RAP1GDS1: variants seen among roughly 807,000 people sequenced by gnomAD.
RAP1GDS1 encodes RAP1, GTP-GDP dissociation stimulator 1.
RAP1GDS1 carries 35 observed loss-of-function variants against 71.1 expected under a neutral mutation model. That is an observed-to-expected ratio of 0.49 (90% CI 0.38 to 0.65). RAP1GDS1 has a LOEUF of 0.65. RAP1GDS1 is among the 30% of genes least tolerant of loss of function. The probability of loss-of-function intolerance (pLI) is 0.00; values close to 1 mark genes in which losing one functional copy is unlikely to be tolerated. For missense variants in RAP1GDS1, 663 were observed against 706.1 expected, an observed-to-expected ratio of 0.94 and a Z score of 0.69; for synonymous variants, 229 against 243.1, an observed-to-expected ratio of 0.94 and a Z score of 0.54.
At chr4:98,380,082 C>CA (rs79487127) in intron 5 of RAP1GDS1, among the ~76,000 whole-genome samples, 17,593 of 109,554 alleles carry the variant, frequency 0.16, 1,280 homozygotes, top group African/African-American at 0.25. Context: ...CTCAATAATT[C>CA]AAAAAAAAAA....
At chr4:98,326,885 C>T (rs1733183774) in intron 2 of RAP1GDS1, among the ~76,000 whole-genome samples, 1 of 152,238 alleles carries the variant, frequency 6.6e-6, no homozygotes, top group African/African-American at 2.4e-5. Flanking sequence ...TGGTGTGTGC[C>T]TGTAAGAGCT....
At chr4:98,323,535 C>T (rs1732357545) in intron 2 of RAP1GDS1, among the ~76,000 whole-genome samples, 1 of 142,832 alleles carries the variant, frequency 7.0e-6, no homozygotes, top group Non-Finnish European at 1.5e-5. Context: ...AAAATACTGG[C>T]AAACCGAATC....
intron 7 of RAP1GDS1, among the ~76,000 whole-genome samples, chr4:98,409,053 T>A (rs1369163441): frequency 6.6e-6 from 1 of 151,990 alleles, no homozygotes. Flanking sequence ...AGAAAAAAAA[T>A]TAAGATAAAG....
chr4:98,343,360 TA>T lies in RAP1GDS1; in HGVS notation c.235+100del. ...TAATTTATGTTTTAATTTTGTAGAT[TA>T]GACATTTTTTATTTCTATTTATCTT... On this transcript the variant is annotated intron_variant, in intron 3 of 14. Coordinates refer to ENST00000408927, the MANE Select transcript of RAP1GDS1 (RefSeq NM_001100427.2). 2.2e-6 allele frequency: 3 copies of T among 1,383,802 alleles called. No homozygotes were observed. In the South Asian group the frequency reaches 3.8e-5, roughly 18 times the overall value. 85.7% of individuals were successfully genotyped at this position (1,383,802 alleles called of 1,614,324 possible).
At chr4:98,311,501 T>A (rs1269512437) in intron 2 of RAP1GDS1, among the ~76,000 whole-genome samples, 2 of 152,160 alleles carry the variant, frequency 1.3e-5, no homozygotes, top group Non-Finnish European at 2.9e-5. Flanking sequence ...GTAGGAAAAA[T>A]CTTACATACC....
In RAP1GDS1 at chr4:98,265,693, G is replaced by A. The variant is rs545131514; in HGVS notation, c.4+4124G>A. ...AGGAATGGGGTTCCTTAAGTTTTCC[G>A]TAGTTAGGGAAAAAGGAATGGTATG... is the stretch of plus-strand genomic sequence containing the variant. On this transcript the variant is annotated intron_variant, in intron 1 of 14. Coordinates refer to ENST00000408927, the MANE Select transcript of RAP1GDS1 (RefSeq NM_001100427.2). Among the ~76,000 whole-genome samples, 7 of 152,230 alleles carry A rather than the reference G, an allele frequency of 4.6e-5. No homozygotes were observed. The East Asian group carries it at 5.8e-4, about 13-fold the overall frequency.
At chr4:98,372,387 G>A (rs565672667) in intron 4 of RAP1GDS1, among the ~76,000 whole-genome samples, 4 of 151,986 alleles carry the variant, frequency 2.6e-5, no homozygotes, top group Non-Finnish European at 5.9e-5. Context: ...GGCTGACCTC[G>A]AACTCCTGAC....
intron 1 of RAP1GDS1, among the ~76,000 whole-genome samples, chr4:98,290,514 A>G (rs1375911007): frequency 6.6e-6 from 1 of 152,136 alleles, no homozygotes; most frequent in African/African-American, 2.4e-5. Flanking sequence ...TTTAGGTCTT[A>G]TGAAAACTCT....
At chr4:98,347,156 G>T (rs1345962804) in intron 3 of RAP1GDS1, among the ~76,000 whole-genome samples, 1 of 152,192 alleles carries the variant, frequency 6.6e-6, no homozygotes, top group Non-Finnish European at 1.5e-5. Flanking sequence ...GTAGGTAAAA[G>T]TGGAGAAAGT....
chr4:98,324,653 A>G (rs1393006095), intron 2 of RAP1GDS1, among the ~76,000 whole-genome samples: 1 of 144,956 alleles, frequency 6.9e-6, no homozygotes, highest in Non-Finnish European at 1.5e-5. Flanking sequence ...CAAACCTGAG[A>G]AAAACAAGCA....
At chr4:98,367,644 C>T (rs944700872) in intron 4 of RAP1GDS1, among the ~76,000 whole-genome samples, 11 of 152,228 alleles carry the variant, frequency 7.2e-5, no homozygotes, top group African/African-American at 2.2e-4. Context: ...TGGGAACCTA[C>T]CTCTTGCATC....
intron 1 of RAP1GDS1, among the ~76,000 whole-genome samples, chr4:98,280,777 A>G (rs1402805115): frequency 6.6e-6 from 1 of 152,038 alleles, no homozygotes; most frequent in Non-Finnish European, 1.5e-5. Flanking sequence ...ATCTTGAATT[A>G]ATTTTTGTAT....
chr4:98,360,030 C>T (rs1738493325), intron 4 of RAP1GDS1, among the ~76,000 whole-genome samples: 1 of 152,102 alleles, frequency 6.6e-6, no homozygotes, highest in Admixed American at 6.6e-5. Flanking sequence ...ATGATCTTTC[C>T]ATTTTTGTAC....
At chr4:98,354,127 A>G (rs1013926646) in intron 4 of RAP1GDS1, among the ~76,000 whole-genome samples, 3 of 150,326 alleles carry the variant, frequency 2.0e-5, no homozygotes, top group Non-Finnish European at 3.0e-5. Context: ...CAGTGGCGCA[A>G]TCTCGGCTCA....
chr4:98,270,339 G>C (rs896428018), intron 1 of RAP1GDS1, among the ~76,000 whole-genome samples: 2 of 152,110 alleles, frequency 1.3e-5, no homozygotes, highest in Non-Finnish European at 2.9e-5. Flanking sequence ...TGAAACTGAA[G>C]TTTGAAATAT....
intron 2 of RAP1GDS1, among the ~76,000 whole-genome samples, chr4:98,302,361 A>C (rs962224635): frequency 1.7e-4 from 26 of 152,184 alleles, no homozygotes; most frequent in Admixed American, 6.5e-5. Context: ...ATTAAGACTA[A>C]ATTTCAAGGT....
intron 2 of RAP1GDS1, among the ~76,000 whole-genome samples, chr4:98,316,873 A>G (rs1731019010): frequency 6.6e-6 from 1 of 152,164 alleles, no homozygotes; most frequent in African/African-American, 2.4e-5. Context: ...TAAGAGATTC[A>G]AAGGGTACGG....
intron 2 of RAP1GDS1, among the ~76,000 whole-genome samples, chr4:98,320,390 G>C (rs924029211): frequency 2.0e-5 from 3 of 152,164 alleles, no homozygotes; most frequent in South Asian, 4.1e-4. Flanking sequence ...GTTTGAAAAT[G>C]TCCCCGTTAC....
chr4:98,356,909 A>G lies in RAP1GDS1; in HGVS notation c.361+4308A>G, dbSNP rs918507081. 2.2e-4 allele frequency among the ~76,000 whole-genome samples: 33 copies of G among 151,966 alleles called. 1 individual carries two copies. Among genetic ancestry groups the G allele is most frequent in the Non-Finnish European group, 7.4e-5 (5 of 67,844 alleles). On this transcript the variant is annotated intron_variant, in intron 4 of 14. Transcript: ENST00000408927. ...AACATATGCATGTATCCGTTTGTAT[A>G]TTGGCGATTCTTGTGCTACACTATT...
Sources: gnomAD v4.1 joint callset for allele counts (sites outside exome capture counted in the v4.1 genomes callset) on GRCh38, gnomAD v4.1.1 for gene constraint, MANE v1.5 for transcripts, NCBI Gene and HGNC (gene_info 2026-07-23, HGNC 2026-07-21) for gene names.